CHAF1B: variants seen among roughly 807,000 people sequenced by gnomAD.
CHAF1B encodes CAF-1 subunit B.
A neutral mutation model predicts 60.7 loss-of-function variants in CHAF1B; 10 were observed. The observed-to-expected ratio is 0.16, with a 90% CI of 0.10 to 0.28. The LOEUF (loss-of-function observed/expected upper bound fraction) is 0.28, where lower values mean the gene tolerates loss of function less well. Ranked by LOEUF, CHAF1B falls within the 10% of genes least tolerant of loss-of-function variation. The pLI, the probability that CHAF1B is intolerant of heterozygous loss-of-function variation, is 1.00. For missense variants in CHAF1B, 558 were observed against 708.4 expected (o/e 0.79, Z 2.41); for synonymous variants, 261 against 266.1 (o/e 0.98, Z 0.19).
chr21:36,414,095 G>C (rs1307830068), intron 12 of CHAF1B, among the ~76,000 whole-genome samples: 1 of 152,158 alleles, frequency 6.6e-6, no homozygotes, highest in Non-Finnish European at 1.5e-5. Flanking sequence ...ACTTCTACTG[G>C]ATACAGAGCC....
chr21:36,407,267 A>G (rs866460893), intron 8 of CHAF1B, among the ~76,000 whole-genome samples: 1 of 151,280 alleles, frequency 6.6e-6, no homozygotes, highest in Non-Finnish European at 1.5e-5. Context: ...GCACCACTGC[A>G]CTCTAGCCTG....
At position 36,418,639 on chromosome 21, in the gene CHAF1B, G is replaced by C. The variant is rs1023715938; in HGVS notation, c.*2273G>C. 5.3e-5 allele frequency: 8 copies of C among 151,916 alleles called. No individual in the cohort carries two copies. Among genetic ancestry groups the C allele is most frequent in the African/African-American group, 1.9e-4 (8 of 41,350 alleles). 9.4% of individuals were successfully genotyped at this position (151,916 alleles called of 1,614,324 possible). A position where few individuals can be genotyped will look rare whatever the true frequency, so the allele number is the denominator to read the frequency against. On this transcript the variant is annotated 3_prime_UTR_variant, in exon 14 of 14. Transcript: ENST00000314103. ...CAAGGTGGGTGGATCACTTGAGGTTGGGAGTTTGAGACCAGCCTGGCCAAC... is the reference window on the plus strand; with the variant it reads ...CAAGGTGGGTGGATCACTTGAGGTTCGGAGTTTGAGACCAGCCTGGCCAAC...
At chr21:36,412,648 C>T (rs2086286973) in intron 11 of CHAF1B, 1 of 491,054 alleles carries the variant, frequency 2.0e-6, no homozygotes, top group Non-Finnish European at 3.7e-6. Flanking sequence ...AGGCGTGAGC[C>T]ACCGCACCCG....
At position 36,387,667 on chromosome 21, in the gene CHAF1B, A is replaced by G; in HGVS notation, c.196A>G (p.Thr66Ala). Reference sequence around the variant, plus strand: ...ATTTTTGTCCAATCTTGCTCGTCATACCAAAGCCGTCAATGTTGTGCGTTT... The same window carrying G: ...ATTTTTGTCCAATCTTGCTCGTCATGCCAAAGCCGTCAATGTTGTGCGTTT... Reference protein sequence around the residue: ...VEFLSNLARHTKAVNVVRFSP... With the variant: ...VEFLSNLARHAKAVNVVRFSP... The change falls in exon 3 of 14, where the codon ACC (threonine) becomes GCC (alanine). Residue 66 changes from threonine to alanine, a missense_variant. Thr to Ala is a moderately conservative substitution (Grantham distance 58). Coordinates refer to ENST00000314103, the MANE Select transcript of CHAF1B (RefSeq NM_005441.3). 6.2e-7 allele frequency: 1 copy of G among 1,614,230 alleles called. No individual in the cohort carries two copies. The highest frequency in any genetic ancestry group is 8.5e-7 in the Non-Finnish European group (1 of 1,180,038).
chr21:36,396,965 TG>T (rs2086145086), intron 5 of CHAF1B, among the ~76,000 whole-genome samples: 1 of 152,192 alleles, frequency 6.6e-6, no homozygotes, highest in South Asian at 2.1e-4. Context: ...CTTCTGTTCT[TG>T]GCCCTCCTCT....
At chr21:36,396,358 C>CAAAAAAAAA (rs777079304) in intron 5 of CHAF1B, among the ~76,000 whole-genome samples, 112 of 52,808 alleles carry the variant, frequency 2.1e-3, no homozygotes, top group African/African-American at 5.2e-3. Flanking sequence ...CCAAAAACCT[C>CAAAAAAAAA]AAAAAAAAAA....
intron 13 of CHAF1B, 40 bp from the exon 14 acceptor site, chr21:36,416,235 C>T (rs1277355647): frequency 2.6e-6 from 4 of 1,558,148 alleles, no homozygotes; most frequent in Non-Finnish European, 3.5e-6. Flanking sequence ...TTCCAGAATT[C>T]TTCATTTACT....
At chr21:36,392,342 A>C (rs1218468313) in intron 4 of CHAF1B, among the ~76,000 whole-genome samples, 2 of 152,230 alleles carry the variant, frequency 1.3e-5, no homozygotes, top group Non-Finnish European at 2.9e-5. Context: ...CAGACACAGC[A>C]ACAATCTGAT....
chr21:36,411,337 C>T, intron 10 of CHAF1B, 126 bp from the exon 11 acceptor site: 2 of 1,136,674 alleles, frequency 1.8e-6, no homozygotes, highest in Non-Finnish European at 2.5e-6. Context: ...AGGTCTCAAA[C>T]TCCTGAGCTC....
At chr21:36,395,076 G>A (rs939390464) in intron 5 of CHAF1B, among the ~76,000 whole-genome samples, 1 of 150,546 alleles carries the variant, frequency 6.6e-6, no homozygotes, top group Non-Finnish European at 1.5e-5. Flanking sequence ...TTTTGGAGAC[G>A]GAGTTTCGCT....
At position 36,415,299 on chromosome 21, in the gene CHAF1B, A is replaced by G; in HGVS notation, c.1498A>G (p.Ile500Val). Residue 500 changes from isoleucine to valine, a missense_variant, in exon 13 of 14, where the codon ATA becomes GTA. Coordinates refer to ENST00000314103, the MANE Select transcript of CHAF1B (RefSeq NM_005441.3). ...QAWSKTTPRR[I>V]NLTPLKTDTP... Reference sequence around the variant, plus strand: ...CTTTTTTTTTTTTAAATCAAGGAGAATAAACTTAACACCCTTAAAGACGGA... The same window carrying G: ...CTTTTTTTTTTTTAAATCAAGGAGAGTAAACTTAACACCCTTAAAGACGGA... 1 of 1,605,044 alleles carries G rather than the reference A, an allele frequency of 6.2e-7. No individual in the cohort carries two copies. Among genetic ancestry groups the G allele is most frequent in the Non-Finnish European group, 8.5e-7 (1 of 1,172,738 alleles).
intron 5 of CHAF1B, 54 bp from the exon 6 acceptor site, chr21:36,397,361 C>G: frequency 1.1e-6 from 1 of 882,770 alleles, no homozygotes. Context: ...TATTTGGGCT[C>G]AAACAGGTTT....
rs1335579849 is a variant in CHAF1B, at chr21:36,399,640, C to CT, written c.663+38dup. 5 of 1,558,826 alleles carry CT rather than the reference C, an allele frequency of 3.2e-6. No individual in the cohort carries two copies. The South Asian group carries it at 5.6e-5, about 17-fold the overall frequency. ...ATTTTGCCATTCTTTTTCAGCAGCG[C>CT]TTTAACTGAGACTTAGGAAGTCATG... On this transcript the variant is annotated intron_variant, in intron 7 of 13. Coordinates refer to ENST00000314103, the MANE Select transcript of CHAF1B (RefSeq NM_005441.3).
intron 4 of CHAF1B, among the ~76,000 whole-genome samples, chr21:36,392,424 C>T (rs965042419): frequency 3.9e-5 from 6 of 151,942 alleles, no homozygotes. Flanking sequence ...GGCCCGTTCT[C>T]AGTGAGCTGT....
rs200840491 is a variant in CHAF1B, at chr21:36,415,360, C to G, written c.1559C>G (p.Ser520Cys). Residue 520 changes from serine to cysteine, a missense_variant, in exon 13 of 14, where the codon TCC becomes TGC. This residue lies in a region of CHAF1B where 233 missense variants were observed against 214.9 expected (regional missense o/e 1.08). Coordinates refer to ENST00000314103, the MANE Select transcript of CHAF1B (RefSeq NM_005441.3). ...AGTTCTGTACCAACCAGTGTGATTT[C>G]CACCCCTTCTACAGAAGAAATTCAG... ...PPSSVPTSVISTPSTEEIQSE... is the reference protein window; with the variant it reads ...PPSSVPTSVICTPSTEEIQSE... The G allele has an allele frequency of 1.2e-6, 2 of 1,609,476 alleles. No homozygotes were observed. The highest frequency in any genetic ancestry group is 4.5e-5 in the East Asian group (2 of 44,864).
chr21:36,401,817 T>G (rs1157694929), intron 7 of CHAF1B, among the ~76,000 whole-genome samples: 2 of 151,854 alleles, frequency 1.3e-5, no homozygotes, highest in South Asian at 2.1e-4. Context: ...CTTGGCTCAC[T>G]GCAACCTTTG....
In CHAF1B at chr21:36,412,905, G is replaced by T. The variant is rs766004730; in HGVS notation, c.1083G>T (p.Leu361=). 9.3e-6 allele frequency: 15 copies of T among 1,613,772 alleles called. No homozygotes were observed. Among genetic ancestry groups the T allele is most frequent in the Non-Finnish European group, 1.3e-5 (15 of 1,179,894 alleles). ...GAAGGTCCAGCGATGGTGCCTTCCT[G>T]GCCATTTCTTCCACGGACGGTTACT... ...DISWSSDGAF[L]AISSTDGYCS... Residue 361 remains leucine (L), a synonymous_variant, in exon 12 of 14, where the codon CTG becomes CTT. Coordinates refer to ENST00000314103, the MANE Select transcript of CHAF1B (RefSeq NM_005441.3).
intron 6 of CHAF1B, 60 bp downstream of exon 6, chr21:36,397,571 GAGAGGTATTTATCGTAACTTAGCCA>G: frequency 1.1e-6 from 1 of 928,690 alleles, no homozygotes; most frequent in Non-Finnish European, 1.6e-6. Flanking sequence ...ATTTTCTGAA[GAGAGGTATTTATCGTAACTTAGCCA>G]AGATTTATCA....
intron 5 of CHAF1B, among the ~76,000 whole-genome samples, chr21:36,395,250 G>A (rs2086127595): frequency 6.6e-6 from 1 of 151,240 alleles, no homozygotes; most frequent in Admixed American, 6.6e-5. Flanking sequence ...GGGTTTCACC[G>A]TTGGCCAGTC....
Sources: gnomAD v4.1 joint callset for allele counts (sites outside exome capture counted in the v4.1 genomes callset) on GRCh38, gnomAD v4.1.1 for gene constraint, gnomAD v4.1.1 regional missense constraint, MANE v1.5 for transcripts, NCBI Gene and HGNC (gene_info 2026-07-23, HGNC 2026-07-21) for gene names.